Variants in CCDC39 observed in about 807,000 individuals in gnomAD.
CCDC39 encodes the protein coiled-coil domain 39 molecular ruler complex subunit, also known as coiled-coil domain-containing protein 39.
Under a neutral mutation model 121.0 loss-of-function variants are expected in CCDC39, and 113 were observed. That is an observed-to-expected ratio of 0.93 (90% CI 0.80 to 1.09). The LOEUF (loss-of-function observed/expected upper bound fraction) is 1.09. Ranked by LOEUF, CCDC39 falls within the 50% of genes least tolerant of loss-of-function variation. The pLI is 0.00. For missense variants in CCDC39, 1,063 were observed against 1,074.7 expected (o/e 0.99, Z 0.15); for synonymous variants, 349 against 352.2 (o/e 0.99, Z 0.10).
chr3:180,668,027 A>T (rs1711934439), intron 1 of CCDC39, among the ~76,000 whole-genome samples: 1 of 152,166 alleles, frequency 6.6e-6, no homozygotes, highest in African/African-American at 2.4e-5. Context: ...TTTCTATAAG[A>T]CATGCTCACC....
At chr3:180,629,633 G>A (rs1717648344) in intron 14 of CCDC39, among the ~76,000 whole-genome samples, 1 of 152,074 alleles carries the variant, frequency 6.6e-6, no homozygotes. Flanking sequence ...TATTATTTAA[G>A]TTTCATTTTT....
chr3:180,616,533 G>T lies in CCDC39; in HGVS notation c.2569C>A (p.Gln857Lys). ...TGTATTACCTGTTGAAAGTATGTTTGAAGGATAATACGGATCTCAGTATTT... is the reference window on the plus strand; with the variant it reads ...TGTATTACCTGTTGAAAGTATGTTTTAAGGATAATACGGATCTCAGTATTT... The part of the protein sequence containing the change: ...EENTEIRIIL[Q>K]TYFQQSGLEL... The change falls in exon 18 of 20, where the codon CAA (glutamine) becomes AAA (lysine). Residue 857 changes from glutamine (Q) to lysine (K), a missense_variant. Gln to Lys is a moderately conservative substitution (Grantham distance 53). Coordinates refer to ENST00000476379, the MANE Select transcript of CCDC39 (RefSeq NM_181426.2). 6.4e-7 allele frequency: 1 copy of T among 1,557,790 alleles called. No homozygotes were observed. The highest frequency in any genetic ancestry group is 8.7e-7 in the Non-Finnish European group (1 of 1,153,540).
intron 1 of CCDC39, among the ~76,000 whole-genome samples, chr3:180,673,391 C>T (rs1247531124): frequency 6.6e-6 from 1 of 152,196 alleles, no homozygotes; most frequent in Non-Finnish European, 1.5e-5. Context: ...CTTCAGCCAC[C>T]ACCTTGATCA....
intron 6 of CCDC39, among the ~76,000 whole-genome samples, chr3:180,657,442 C>T (rs1454320173): frequency 6.6e-6 from 1 of 152,112 alleles, no homozygotes; most frequent in African/African-American, 2.4e-5. Context: ...TCTTGGATCT[C>T]GCACATGACT....
In CCDC39 at chr3:180,641,990, T is replaced by G; in HGVS notation, c.1874+3A>C. 3 of 1,566,878 alleles carry G rather than the reference T, an allele frequency of 1.9e-6. No homozygotes were observed. Among genetic ancestry groups the G allele is most frequent in the Non-Finnish European group, 2.6e-6 (3 of 1,154,710 alleles). ...CCTCAGCAGTTTTAAAACTGAAAATTACCTTATGTTTTCCCGTTCTTGATC... is the reference window on the plus strand; with the variant it reads ...CCTCAGCAGTTTTAAAACTGAAAATGACCTTATGTTTTCCCGTTCTTGATC... On this transcript the variant is annotated splice_donor_region_variant and intron_variant, in intron 13 of 19. Coordinates refer to ENST00000476379, the MANE Select transcript of CCDC39 (RefSeq NM_181426.2).
At chr3:180,616,732 G>A in intron 17 of CCDC39, 37 bp from the exon 18 acceptor site, 1 of 1,572,188 alleles carries the variant, frequency 6.4e-7, no homozygotes, top group Non-Finnish European at 8.6e-7. Context: ...CTATAAACGT[G>A]TTTACCAGAA....
At chr3:180,669,689 A>G (rs1317010425) in intron 1 of CCDC39, among the ~76,000 whole-genome samples, 4 of 152,182 alleles carry the variant, frequency 2.6e-5, no homozygotes, top group Non-Finnish European at 5.9e-5. Flanking sequence ...AATGAAATAG[A>G]TAATGACTTG....
intron 13 of CCDC39, among the ~76,000 whole-genome samples, chr3:180,637,693 G>A (rs1345117140): frequency 6.6e-6 from 1 of 152,110 alleles, no homozygotes; most frequent in Admixed American, 6.5e-5. Context: ...ACCCATCAAT[G>A]ACAGATTAGA....
rs570957490 is a variant in CCDC39 at position 180,651,822 on chromosome 3, G to C, written c.1035-289C>G. 2.0e-5 allele frequency among the ~76,000 whole-genome samples: 3 copies of C among 152,142 alleles called. No homozygotes were observed. The South Asian group carries it at 6.2e-4, about 32-fold the overall frequency. ...GGAGGCCAAGGCGGGCAGATCACGA[G>C]GTCAGGAGATCAAGACCATCCTGGC... On this transcript the variant is annotated intron_variant, in intron 8 of 19. Coordinates refer to ENST00000476379, the MANE Select transcript of CCDC39 (RefSeq NM_181426.2).
chr3:180,633,502 G>A (rs1278571247), intron 13 of CCDC39, among the ~76,000 whole-genome samples: 2 of 152,140 alleles, frequency 1.3e-5, no homozygotes, highest in Non-Finnish European at 2.9e-5. Flanking sequence ...TTCAATGTAA[G>A]AGCAGTGAAG....
rs1335244559 is a variant in CCDC39, at chr3:180,651,440, A to C, written c.1128T>G (p.Asn376Lys). The change falls in exon 9 of 20, where the codon AAT becomes AAG. Residue 376 changes from asparagine (N) to lysine (K), a missense_variant. Physicochemically the swap from Asn to Lys is moderately conservative, Grantham distance 94 (BLOSUM62 0). Coordinates refer to ENST00000476379, the MANE Select transcript of CCDC39 (RefSeq NM_181426.2). ...CCTCCTCCTTTAGCATATCTTCCAA[A>C]TTAGTAGCTTTCTCTTCTACAGACA... ...KTMSVEEKAT[N>K]LEDMLKEEEK... is the part of the protein sequence containing the mutation. The C allele has an allele frequency of 6.4e-7, 1 of 1,559,500 alleles. No individual in the cohort carries two copies. Among genetic ancestry groups the C allele is most frequent in the African/African-American group, 1.4e-5 (1 of 73,664 alleles).
intron 14 of CCDC39, among the ~76,000 whole-genome samples, chr3:180,629,796 C>G (rs1183515220): frequency 2.0e-5 from 3 of 152,120 alleles, no homozygotes; most frequent in Non-Finnish European, 4.4e-5. Context: ...GAGAAAGTAA[C>G]TGATAGCCTC....
chr3:180,659,714 AT>A lies in CCDC39; in HGVS notation c.571del (p.Ile191TyrfsTer10). 1 of 1,612,706 alleles carries A rather than the reference AT, an allele frequency of 6.2e-7. No homozygotes were observed. Among genetic ancestry groups the A allele is most frequent in the Non-Finnish European group, 8.5e-7 (1 of 1,179,378 alleles). ...LTLECNQKRK[I>X]LDNELTETIS... ...AGTCTCTGTAAGTTCGTTGTCAAGTATCTTTCTTTTCTGATTACATTCCAAA... is the reference window on the plus strand; with the variant it reads ...AGTCTCTGTAAGTTCGTTGTCAAGTACTTTCTTTTCTGATTACATTCCAAA... On this transcript the variant is annotated frameshift_variant, in exon 5 of 20. Coordinates refer to ENST00000476379, the MANE Select transcript of CCDC39 (RefSeq NM_181426.2). LOFTEE classifies it high-confidence loss of function.
chr3:180,637,644 C>T (rs1490080483), intron 13 of CCDC39, among the ~76,000 whole-genome samples: 1 of 152,180 alleles, frequency 6.6e-6, no homozygotes, highest in Non-Finnish European at 1.5e-5. Flanking sequence ...TTCATTGTAG[C>T]ACTATTCACA....
rs776770476 is a variant in CCDC39 at position 180,642,035 on chromosome 3, G to A, written c.1832C>T (p.Ala611Val). The A allele has an allele frequency of 1.9e-5, 30 of 1,601,630 alleles. No individual in the cohort carries two copies. Among genetic ancestry groups the A allele is most frequent in the East Asian group, 6.7e-5 (3 of 44,490 alleles). The change falls in exon 13 of 20, where the codon GCG (alanine) becomes GTG (valine). Residue 611 changes from alanine (A) to valine (V), a missense_variant. Transcript: ENST00000476379. ...EEIKVHKTML[A>V]SQIRYVDQER... ...TTGATCAACATATCTTATTTGTGACGCAAGCATTGTTTTATGAACCTTGAT... is the reference window on the plus strand; with the variant it reads ...TTGATCAACATATCTTATTTGTGACACAAGCATTGTTTTATGAACCTTGAT...
At chr3:180,652,962 T>C (rs542952624) in intron 7 of CCDC39, among the ~76,000 whole-genome samples, 4 of 152,288 alleles carry the variant, frequency 2.6e-5, no homozygotes, top group African/African-American at 9.6e-5. Context: ...AAGAAAAAGA[T>C]CTGTACACTA....
intron 13 of CCDC39, among the ~76,000 whole-genome samples, chr3:180,634,051 A>G (rs933300197): frequency 7.2e-5 from 11 of 152,148 alleles, no homozygotes; most frequent in African/African-American, 2.7e-4. Context: ...AGCACACTAC[A>G]GTCACCATGC....
rs192742312 is a variant in CCDC39, at chr3:180,654,117, T to C, written c.930+645A>G. 5.7e-3 allele frequency among the ~76,000 whole-genome samples: 812 copies of C among 143,714 alleles called. 5 individuals are homozygous for C. Among genetic ancestry groups the C allele is most frequent in the South Asian group, 0.013 (59 of 4,638 alleles). The allele number at this position is 143,714 out of a possible 152,430, so 94.3% of individuals were successfully genotyped here. On this transcript the variant is annotated intron_variant, in intron 7 of 19. Transcript: ENST00000476379. ...AATAGAGAACCCGGAAATAAACCCATGCATATATGATCAACTAATTTTCAG... is the reference window on the plus strand; with the variant it reads ...AATAGAGAACCCGGAAATAAACCCACGCATATATGATCAACTAATTTTCAG...
At chr3:180,677,078 T>A (rs2108437362) in intron 1 of CCDC39, among the ~76,000 whole-genome samples, 1 of 146,602 alleles carries the variant, frequency 6.8e-6, no homozygotes, top group South Asian at 2.2e-4. Flanking sequence ...CACACCAACA[T>A]GGCACATGTA....
Sources: gnomAD v4.1 joint callset for allele counts (sites outside exome capture counted in the v4.1 genomes callset) on GRCh38, gnomAD v4.1.1 for gene constraint, MANE v1.5 for transcripts, NCBI Gene and HGNC (gene_info 2026-07-23, HGNC 2026-07-21) for gene names.